The following ZNF385D variants were observed in gnomAD, a reference collection of about 807,000 sequenced individuals.
ZNF385D encodes the protein zinc finger protein 659.
A neutral mutation model predicts 35.8 loss-of-function variants in ZNF385D; 15 were observed. That is an observed-to-expected ratio of 0.42 (90% CI 0.28 to 0.64). ZNF385D has a LOEUF of 0.64. ZNF385D is among the 30% of genes least tolerant of loss of function. The probability of loss-of-function intolerance (pLI) is 0.23; values close to 1 mark genes in which losing one functional copy is unlikely to be tolerated. For synonymous variants in ZNF385D, 212 were observed against 186.8 expected (o/e 1.13, Z -1.10); for missense variants, 474 against 494.6 (o/e 0.96, Z 0.39).
chr3:21,633,255 A>G (rs1023668399), intron 2 of ZNF385D, among the ~76,000 whole-genome samples: 2 of 152,108 alleles, frequency 1.3e-5, no homozygotes, highest in South Asian at 2.1e-4. Context: ...TGATTATTCA[A>G]TTACCTCAAA....
intron 2 of ZNF385D, among the ~76,000 whole-genome samples, chr3:22,354,714 C>A (rs536130839): frequency 2.0e-4 from 31 of 152,008 alleles, no homozygotes; most frequent in East Asian, 7.7e-4. Flanking sequence ...AAAATGCAGA[C>A]AATAACAGAG....
intron 2 of ZNF385D, among the ~76,000 whole-genome samples, chr3:22,173,936 C>G (rs894413294): frequency 6.6e-6 from 1 of 151,844 alleles, no homozygotes; most frequent in Non-Finnish European, 1.5e-5. Flanking sequence ...ACTGGGCTAC[C>G]AACCCACTAA....
chr3:22,105,502 G>A (rs1011619262), intron 3 of ZNF385D, among the ~76,000 whole-genome samples: 9 of 152,090 alleles, frequency 5.9e-5, no homozygotes, highest in African/African-American at 2.2e-4. Context: ...CGGAGGCTGA[G>A]AAGTCCCACA....
chr3:22,282,841 AC>A (rs1488152359), intron 2 of ZNF385D, among the ~76,000 whole-genome samples: 3 of 152,092 alleles, frequency 2.0e-5, no homozygotes, highest in Non-Finnish European at 4.4e-5. Flanking sequence ...ATATCTCAAT[AC>A]TAATGTGGAA....
At chr3:21,498,708 C>G (rs979313940) in intron 4 of ZNF385D, among the ~76,000 whole-genome samples, 1 of 151,946 alleles carries the variant, frequency 6.6e-6, no homozygotes, top group Non-Finnish European at 1.5e-5. Flanking sequence ...CTTTGGGAGG[C>G]CAAGGCAGGT....
chr3:21,598,133 A>C (rs2064176672), intron 2 of ZNF385D, among the ~76,000 whole-genome samples: 1 of 152,208 alleles, frequency 6.6e-6, no homozygotes, highest in African/African-American at 2.4e-5. Flanking sequence ...TAATCATTAG[A>C]GTCTTAGAGA....
At chr3:22,311,355 C>CA (rs1287476313) in intron 2 of ZNF385D, among the ~76,000 whole-genome samples, 5 of 151,956 alleles carry the variant, frequency 3.3e-5, no homozygotes, top group Non-Finnish European at 7.4e-5. Flanking sequence ...GGAATGCTTA[C>CA]AAAAACTTCT....
chr3:21,728,312 A>AATAATG (rs1220844128), intron 1 of ZNF385D, among the ~76,000 whole-genome samples: 1 of 150,724 alleles, frequency 6.6e-6, no homozygotes, highest in Non-Finnish European at 1.5e-5. Flanking sequence ...TAATAATAAT[A>AATAATG]AAAGCAGACG....
chr3:21,456,143 G>C (rs199763962), intron 4 of ZNF385D, among the ~76,000 whole-genome samples: 2 of 152,186 alleles, frequency 1.3e-5, no homozygotes, highest in Admixed American at 6.5e-5. Flanking sequence ...TGGTGGGACT[G>C]TAAACTAGTT....
At chr3:21,930,073 T>C (rs1261420018) in intron 3 of ZNF385D, among the ~76,000 whole-genome samples, 1 of 151,954 alleles carries the variant, frequency 6.6e-6, no homozygotes, top group Non-Finnish European at 1.5e-5. Context: ...TCAAGACAAG[T>C]GGTACTAATA....
chr3:22,154,429 G>A (rs1705455758), intron 3 of ZNF385D, among the ~76,000 whole-genome samples: 1 of 152,112 alleles, frequency 6.6e-6, no homozygotes, highest in African/African-American at 2.4e-5. Context: ...CAGCTACAGA[G>A]GGCTTCACCA....
chr3:21,563,808 T>C (rs9851357), intron 3 of ZNF385D, among the ~76,000 whole-genome samples: 136,377 of 152,188 alleles, frequency 0.9, 61,282 homozygotes, highest in African/African-American at 0.96. Flanking sequence ...CTGGAACTCT[T>C]AGGACTTAAC....
chr3:22,181,186 T>G (rs148165412), intron 2 of ZNF385D, among the ~76,000 whole-genome samples: 73 of 152,180 alleles, frequency 4.8e-4, no homozygotes, highest in Non-Finnish European at 9.0e-4. Flanking sequence ...CTTTCACTAT[T>G]AAAGGAGAAG....
At chr3:21,823,105 ATAT>A (rs1694380873) in intron 3 of ZNF385D, among the ~76,000 whole-genome samples, 1 of 143,032 alleles carries the variant, frequency 7.0e-6, no homozygotes, top group Admixed American at 6.9e-5. Flanking sequence ...TACTGTATAC[ATAT>A]TATACAGTAT....
chr3:21,590,336 C>G (rs1455545306), intron 2 of ZNF385D, among the ~76,000 whole-genome samples: 2 of 151,966 alleles, frequency 1.3e-5, no homozygotes. Context: ...GGGGATATGA[C>G]CAGCAGGGAG....
At chr3:21,973,915 A>G (rs1703432686) in intron 3 of ZNF385D, among the ~76,000 whole-genome samples, 2 of 152,066 alleles carry the variant, frequency 1.3e-5, no homozygotes, top group South Asian at 4.1e-4. Context: ...GATGTAAGAA[A>G]TTGAAGAGGT....
intron 3 of ZNF385D, among the ~76,000 whole-genome samples, chr3:21,871,644 A>G (rs949925739): frequency 1.3e-5 from 2 of 152,102 alleles, no homozygotes; most frequent in Non-Finnish European, 2.9e-5. Context: ...TGAGAGATTT[A>G]ATTTGATTAA....
At chr3:21,512,289 GT>G (rs1559362471) in intron 3 of ZNF385D, among the ~76,000 whole-genome samples, 1 of 151,974 alleles carries the variant, frequency 6.6e-6, no homozygotes, top group Non-Finnish European at 1.5e-5. Context: ...CTTAACTTAG[GT>G]TTTCCAGGTC....
At chr3:22,001,634 C>G (rs1435416931) in intron 3 of ZNF385D, among the ~76,000 whole-genome samples, 1 of 151,990 alleles carries the variant, frequency 6.6e-6, no homozygotes, top group African/African-American at 2.4e-5. Flanking sequence ...ATCTAACAGA[C>G]ATTTACAGAA....
Sources: allele counts gnomAD v4.1 joint callset (sites outside exome capture counted in the v4.1 genomes callset), GRCh38; gene constraint gnomAD v4.1.1; transcripts MANE v1.5; gene names NCBI Gene and HGNC (gene_info 2026-07-23, HGNC 2026-07-21).